The following DLC1 variants were observed in gnomAD, a reference collection of about 807,000 sequenced individuals.
DLC1 encodes DLC1 Rho GTPase activating protein, also known as rho GTPase-activating protein 7.
A neutral mutation model predicts 140.3 loss-of-function variants in DLC1; 54 were observed. The ratio of observed to expected loss-of-function variants is 0.38; its 90% confidence interval spans 0.31 to 0.48. The LOEUF is 0.48. DLC1 is among the 20% of genes least tolerant of loss of function. The pLI is 0.96. For missense variants in DLC1, 2,536 were observed against 1,907.0 expected, an observed-to-expected ratio of 1.33 and a Z score of -6.14; for synonymous variants, 986 against 728.1, an observed-to-expected ratio of 1.35 and a Z score of -5.70.
upstream of DLC1, among the ~76,000 whole-genome samples, chr8:13,515,943 AATCCTCTTT>A (rs1802572492): frequency 6.6e-6 from 1 of 152,172 alleles, no homozygotes; most frequent in Non-Finnish European, 1.5e-5. Flanking sequence ...TATGACCCAG[AATCCTCTTT>A]AGAGAATGTG....
chr8:13,102,509 G>C (rs1293334964), intron 8 of DLC1, among the ~76,000 whole-genome samples: 1 of 152,158 alleles, frequency 6.6e-6, no homozygotes, highest in Non-Finnish European at 1.5e-5. Context: ...CCTTAAGCAT[G>C]ATCCCTTTAT....
intron 4 of DLC1, among the ~76,000 whole-genome samples, chr8:13,347,467 G>T (rs1022971461): frequency 6.6e-6 from 1 of 152,182 alleles, no homozygotes; most frequent in Admixed American, 6.5e-5. Context: ...CGGGGATGGG[G>T]CATGAGAGAG....
rs998129080 is a variant in DLC1, at chr8:13,403,819, T to TG, written c.1024-2201_1024-2200insC. On this transcript the variant is annotated intron_variant, in intron 2 of 17. Transcript: ENST00000276297. ...ACCAGGTCTGGCTGTTTTTTTTTTTTTTTTTTTTTTGGTATTTTTTGTAGA... is the reference window on the plus strand; with the variant it reads ...ACCAGGTCTGGCTGTTTTTTTTTTTTGTTTTTTTTTTGGTATTTTTTGTAGA... Among the ~76,000 whole-genome samples the TG allele has an allele frequency of 2.0e-5, 3 of 149,526 alleles. No individual in the cohort carries two copies. In the South Asian group the frequency reaches 6.4e-4, roughly 32 times the overall value.
chr8:13,330,910 C>G (rs1004071848), intron 4 of DLC1, among the ~76,000 whole-genome samples: 2 of 152,112 alleles, frequency 1.3e-5, no homozygotes, highest in African/African-American at 2.4e-5. Flanking sequence ...CCACCCTCTG[C>G]AAAATGTTTA....
rs141181759 is a variant in DLC1 at position 13,193,250 on chromosome 8, A to C, written c.1349-77593T>G. On this transcript the variant is annotated intron_variant, in intron 5 of 17. Transcript: ENST00000276297. ...TGTTAGTTTGACTTTTCAAAAGACC[A>C]TAACTTTTCTTCCTTATCAGGTCAG... is the stretch of plus-strand genomic sequence containing the variant. 1.7e-3 allele frequency among the ~76,000 whole-genome samples: 255 copies of C among 152,280 alleles called. 1 individual carries two copies. The highest frequency in any genetic ancestry group is 5.8e-3 in the African/African-American group (242 of 41,568).
chr8:13,357,477 G>A (rs569004487), intron 4 of DLC1, among the ~76,000 whole-genome samples: 1 of 152,232 alleles, frequency 6.6e-6, no homozygotes. Flanking sequence ...GCTTTATATA[G>A]AAGAGCACTG....
intron 5 of DLC1, among the ~76,000 whole-genome samples, chr8:13,294,692 G>GA (rs142653833): frequency 0.019 from 2,947 of 152,220 alleles, 88 homozygotes; most frequent in African/African-American, 0.067. Flanking sequence ...CCAGATTACG[G>GA]AAAAAATTTA....
At chr8:13,320,777 G>A (rs532218469) in intron 4 of DLC1, among the ~76,000 whole-genome samples, 2 of 152,174 alleles carry the variant, frequency 1.3e-5, no homozygotes, top group Non-Finnish European at 2.9e-5. Context: ...AACTTCAGGA[G>A]TCCAAGGCAG....
chr8:13,169,348 G>A (rs993698901), intron 5 of DLC1, among the ~76,000 whole-genome samples: 2 of 152,172 alleles, frequency 1.3e-5, no homozygotes, highest in Admixed American at 6.5e-5. Context: ...ATATGAGAAC[G>A]TGGGAAAATT....
At chr8:13,527,449 A>T (rs1016749051) in intron 1 of DLC1, among the ~76,000 whole-genome samples, 1 of 152,162 alleles carries the variant, frequency 6.6e-6, no homozygotes, top group Non-Finnish European at 1.5e-5. Context: ...TAAACCATCC[A>T]TTGTTATACT....
chr8:13,147,447 T>C (rs568519881), intron 5 of DLC1, among the ~76,000 whole-genome samples: 1 of 152,334 alleles, frequency 6.6e-6, no homozygotes, highest in Admixed American at 6.5e-5. Context: ...ATCTGAAAAC[T>C]GGAAAAGAAA....
rs149443435 is a variant in DLC1, at chr8:13,488,630, G to C, written c.1023+10419C>G. On this transcript the variant is annotated intron_variant, in intron 2 of 17. Transcript: ENST00000276297. ...ACACCAGCTGAGCGAAGACTTTTCT[G>C]ACCTCCCCATCTGGAAAGGGATCCT... 1.4e-3 allele frequency among the ~76,000 whole-genome samples: 206 copies of C among 152,248 alleles called. 1 individual carries two copies. Among genetic ancestry groups the C allele is most frequent in the African/African-American group, 4.9e-3 (202 of 41,554 alleles).
At chr8:13,246,640 G>T (rs2117265480) in intron 5 of DLC1, among the ~76,000 whole-genome samples, 1 of 152,012 alleles carries the variant, frequency 6.6e-6, no homozygotes, top group East Asian at 1.9e-4. Context: ...TACCTACAAA[G>T]GTATAGTACG....
At chr8:13,285,277 G>A (rs1831499604) in intron 5 of DLC1, among the ~76,000 whole-genome samples, 1 of 152,130 alleles carries the variant, frequency 6.6e-6, no homozygotes, top group Non-Finnish European at 1.5e-5. Flanking sequence ...GTTAGCTAAT[G>A]GAGGGGAGAT....
chr8:13,274,579 G>T (rs1291353397), intron 5 of DLC1, among the ~76,000 whole-genome samples: 1 of 152,028 alleles, frequency 6.6e-6, no homozygotes. Flanking sequence ...GTTATGTTTT[G>T]ACTCCAAACA....
At chr8:13,390,473 C>T (rs1836702618) in intron 4 of DLC1, among the ~76,000 whole-genome samples, 1 of 152,164 alleles carries the variant, frequency 6.6e-6, no homozygotes, top group South Asian at 2.1e-4. Context: ...ATGATTTATA[C>T]TCCTTTGGAT....
chr8:13,414,402 C>G (rs1302156641), intron 2 of DLC1, among the ~76,000 whole-genome samples: 1 of 152,148 alleles, frequency 6.6e-6, no homozygotes, highest in Non-Finnish European at 1.5e-5. Flanking sequence ...TGGTGATGAT[C>G]TCCTTTTGTG....
At chr8:13,485,833 T>C (rs1043465301) in intron 2 of DLC1, among the ~76,000 whole-genome samples, 1 of 152,228 alleles carries the variant, frequency 6.6e-6, no homozygotes, top group Non-Finnish European at 1.5e-5. Flanking sequence ...GAAAGGCTCA[T>C]GCACAACTTA....
intron 5 of DLC1, among the ~76,000 whole-genome samples, chr8:13,121,891 G>A (rs12541254): frequency 0.36 from 55,258 of 151,830 alleles, 10,703 homozygotes; most frequent in African/African-American, 0.47. Context: ...CCCCTCCCCA[G>A]GTATTCTGAT....
Sources: allele counts gnomAD v4.1 joint callset (sites outside exome capture counted in the v4.1 genomes callset), GRCh38; gene constraint gnomAD v4.1.1; transcripts MANE v1.5; gene names NCBI Gene and HGNC (gene_info 2026-07-23, HGNC 2026-07-21).